The following GABPB2 variants were observed in gnomAD, a reference collection of about 807,000 sequenced individuals.
The protein encoded by GABPB2 is GA-binding protein subunit beta-2.
A neutral mutation model predicts 39.1 loss-of-function variants in GABPB2; 23 were observed. The observed-to-expected ratio is 0.59, with a 90% CI of 0.42 to 0.83. The LOEUF is 0.83. Among genes scored for constraint, GABPB2 ranks in the 40% least tolerant of loss-of-function variants. The pLI, the probability that GABPB2 is intolerant of heterozygous loss-of-function variation, is 0.00. For synonymous variants in GABPB2, 184 were observed against 199.3 expected (o/e 0.92, Z 0.65); for missense variants, 467 against 541.1 (o/e 0.86, Z 1.36).
chr1:151,086,829 A>G (rs1317635826), intron 1 of GABPB2, among the ~76,000 whole-genome samples: 1 of 151,732 alleles, frequency 6.6e-6, no homozygotes, highest in African/African-American at 2.4e-5. Flanking sequence ...CACCATGCCC[A>G]GCTAATTTTT....
At chr1:151,088,364 G>A in intron 2 of GABPB2, 67 bp downstream of exon 2, 1 of 1,389,686 alleles carries the variant, frequency 7.2e-7, no homozygotes, top group Non-Finnish European at 1.0e-6. Flanking sequence ...TTTCTTAAAG[G>A]CTAACAGACT....
intron 5 of GABPB2, among the ~76,000 whole-genome samples, chr1:151,098,303 C>T (rs587724798): frequency 6.6e-6 from 1 of 152,086 alleles, no homozygotes; most frequent in South Asian, 2.1e-4. Context: ...TGCTTGAGGC[C>T]ACCCTGGACT....
At position 151,093,262 on chromosome 1, in the gene GABPB2, A is replaced by G. The variant is rs376199905; in HGVS notation, c.347A>G (p.His116Arg). The change falls in exon 4 of 9, where the codon CAT (histidine) becomes CGT (arginine). Residue 116 changes from histidine (H) to arginine (R), a missense_variant. Coordinates refer to ENST00000368918, the MANE Select transcript of GABPB2 (RefSeq NM_144618.3). ...TTGCATTGGGCCACAGAGCGCCACC[A>G]TCGAGATGTCGTAGAGTTACTTATC... ...TALHWATERH[H>R]RDVVELLIKY... 5.0e-5 allele frequency: 81 copies of G among 1,612,338 alleles called. No individual in the cohort carries two copies. Among genetic ancestry groups the G allele is most frequent in the Non-Finnish European group, 6.8e-5 (80 of 1,179,476 alleles).
At chr1:151,082,015 C>G (rs1039704803) in intron 1 of GABPB2, among the ~76,000 whole-genome samples, 10 of 151,872 alleles carry the variant, frequency 6.6e-5, no homozygotes, top group African/African-American at 2.4e-4. Context: ...ATAACTTTTT[C>G]CAGTAACAGT....
intron 4 of GABPB2, among the ~76,000 whole-genome samples, chr1:151,095,687 G>A (rs773654355): frequency 1.5e-4 from 23 of 151,704 alleles, no homozygotes; most frequent in Admixed American, 2.6e-4. Context: ...TAATTTTATC[G>A]TGCTGTGAAC....
rs1232809194 is a variant in GABPB2, at chr1:151,122,805, C to T, written c.*4549C>T. On this transcript the variant is annotated 3_prime_UTR_variant, in exon 9 of 9. Transcript: ENST00000368918. ...CCAAGTCATTTTTTATGATGGGTCT[C>T]TGAGATAGGGCAGTTTGTTAGAGGA... 1 of 151,938 alleles carries T rather than the reference C, an allele frequency of 6.6e-6. No homozygotes were observed. The highest frequency in any genetic ancestry group is 1.5e-5 in the Non-Finnish European group (1 of 67,992). The allele number at this position is 151,938 out of a possible 1,614,324, so 9.4% of individuals were successfully genotyped here. A position where few individuals can be genotyped will look rare whatever the true frequency, so the allele number is the denominator to read the frequency against.
At chr1:151,078,390 G>A (rs1425395628) in intron 1 of GABPB2, among the ~76,000 whole-genome samples, 4 of 151,908 alleles carry the variant, frequency 2.6e-5, no homozygotes, top group Non-Finnish European at 2.9e-5. Flanking sequence ...TCAGGAGATC[G>A]AGCCCATCCT....
chr1:151,088,097 T>A (rs1368327924), intron 1 of GABPB2, 93 bp from the exon 2 acceptor site: 1 of 824,748 alleles, frequency 1.2e-6, no homozygotes, highest in Non-Finnish European at 2.0e-6. Context: ...CTTATATACA[T>A]TCAAATATAA....
At chr1:151,095,123 G>A (rs781155034) in intron 4 of GABPB2, among the ~76,000 whole-genome samples, 14 of 152,002 alleles carry the variant, frequency 9.2e-5, no homozygotes, top group Non-Finnish European at 1.5e-4. Flanking sequence ...AAGTGCCATG[G>A]GAGCACAAAG....
At chr1:151,072,772 A>G (rs4970939) in intron 1 of GABPB2, among the ~76,000 whole-genome samples, 119,481 of 152,074 alleles carry the variant, frequency 0.79, 47,152 homozygotes, top group East Asian at 0.91. Flanking sequence ...GCTTGAACCC[A>G]GCAGGCAGAG....
chr1:151,084,887 T>G (rs1159788072), intron 1 of GABPB2, among the ~76,000 whole-genome samples: 1 of 152,020 alleles, frequency 6.6e-6, no homozygotes, highest in African/African-American at 2.4e-5. Flanking sequence ...CTTGGTCTAT[T>G]CATCATTCCT....
chr1:151,101,270 G>A (rs1199712880), intron 5 of GABPB2, among the ~76,000 whole-genome samples: 2 of 151,224 alleles, frequency 1.3e-5, no homozygotes, highest in Non-Finnish European at 3.0e-5. Context: ...TAAATTAAGA[G>A]TACATTTAAA....
At chr1:151,078,387 A>C (rs1394680328) in intron 1 of GABPB2, among the ~76,000 whole-genome samples, 3 of 152,010 alleles carry the variant, frequency 2.0e-5, no homozygotes, top group Non-Finnish European at 4.4e-5. Flanking sequence ...AGTTCAGGAG[A>C]TCGAGCCCAT....
chr1:151,118,588 AC>A lies in GABPB2; in HGVS notation c.*333del, dbSNP rs1269399430. On this transcript the variant is annotated 3_prime_UTR_variant, in exon 9 of 9. Coordinates refer to ENST00000368918, the MANE Select transcript of GABPB2 (RefSeq NM_144618.3). ...CTTTCTCACAAAAGATTTTAAGATA[AC>A]ATTTCTAATATATATGCACCAATAT... 1 of 212,722 alleles carries A rather than the reference AC, an allele frequency of 4.7e-6. No homozygotes were observed. The highest frequency in any genetic ancestry group is 1.0e-4 in the East Asian group (1 of 9,738). The allele number at this position is 212,722 out of a possible 1,614,324, so 13.2% of individuals were successfully genotyped here.
chr1:151,081,015 C>T lies in GABPB2; in HGVS notation c.1-7175C>T, dbSNP rs587770695. Among the ~76,000 whole-genome samples the T allele has an allele frequency of 4.3e-4, 64 of 150,318 alleles. 2 individuals are homozygous for T. In the South Asian group the frequency reaches 0.01, roughly 25 times the overall value. ...AGCCTCCCGAGTAGCTGGGACTACA[C>T]GGGCCCACCACCACGCCCAGCTAAT... On this transcript the variant is annotated intron_variant, in intron 1 of 8. Coordinates refer to ENST00000368918, the MANE Select transcript of GABPB2 (RefSeq NM_144618.3).
At chr1:151,106,908 T>C in intron 6 of GABPB2, 129 bp from the exon 7 acceptor site, 2 of 565,524 alleles carry the variant, frequency 3.5e-6, no homozygotes. Context: ...TTTTGCGAAC[T>C]GTTGAATCTC....
Position 151,118,088 on chromosome 1 carries a change from C to T in GABPB2, c.1179C>T (p.Ala393=). The T allele has an allele frequency of 6.2e-7, 1 of 1,614,130 alleles. No homozygotes were observed. Among genetic ancestry groups the T allele is most frequent in the Non-Finnish European group, 8.5e-7 (1 of 1,180,032 alleles). The change falls in exon 9 of 9, where the codon GCC becomes GCT. Residue 393 remains alanine, a synonymous_variant. Transcript: ENST00000368918. ...ACCGTCTTAAGCTGGAGGCCATAGC[C>T]CGACAGCAGCCCAATGGAGTTGATT... ...EQYRLKLEAI[A]RQQPNGVDFT...
intron 5 of GABPB2, among the ~76,000 whole-genome samples, chr1:151,100,745 G>A (rs759442527): frequency 1.9e-4 from 28 of 149,488 alleles, no homozygotes; most frequent in Non-Finnish European, 3.0e-4. Context: ...CTGCCACCAC[G>A]CCCAGCTAAT....
intron 1 of GABPB2, among the ~76,000 whole-genome samples, chr1:151,071,238 C>T (rs886414571): frequency 2.6e-5 from 4 of 152,130 alleles, no homozygotes; most frequent in African/African-American, 9.7e-5. Flanking sequence ...GGCGCGGAGC[C>T]GGGGCCGAGG....
Sources: gnomAD v4.1 joint callset for allele counts (sites outside exome capture counted in the v4.1 genomes callset) on GRCh38, gnomAD v4.1.1 for gene constraint, MANE v1.5 for transcripts, NCBI Gene and HGNC (gene_info 2026-07-23, HGNC 2026-07-21) for gene names.